XKR3: variants seen among roughly 807,000 people sequenced by gnomAD.
The protein encoded by XKR3 is XK-related protein 3.
XKR3 carries 27 observed loss-of-function variants against 40.3 expected under a neutral mutation model. The observed-to-expected ratio is 0.67, with a 90% confidence interval of 0.49 to 0.92. The LOEUF is 0.92. Ranked by LOEUF, XKR3 falls within the 40% of genes least tolerant of loss-of-function variation. The pLI is 0.00. For missense variants in XKR3, 472 were observed against 537.6 expected (o/e 0.88, Z 1.21); for synonymous variants, 193 against 195.4 (o/e 0.99, Z 0.10).
chr22:16,787,121 G>A (rs2060093984), intron 3 of XKR3, among the ~76,000 whole-genome samples: 1 of 151,752 alleles, frequency 6.6e-6, no homozygotes, highest in African/African-American at 2.4e-5. Flanking sequence ...AAATACAGTT[G>A]AGAGTATTGA....
chr22:16,791,472 G>C (rs1465118139), intron 3 of XKR3, among the ~76,000 whole-genome samples: 1 of 151,792 alleles, frequency 6.6e-6, no homozygotes, highest in Non-Finnish European at 1.5e-5. Context: ...TTGTATAGCA[G>C]GGTCACTACA....
intron 1 of XKR3, among the ~76,000 whole-genome samples, chr22:16,808,937 G>C (rs2060201930): frequency 6.6e-6 from 1 of 152,042 alleles, no homozygotes; most frequent in Non-Finnish European, 1.5e-5. Context: ...TATATTGAAA[G>C]CACAAAAAAT....
At position 16,808,070 on chromosome 22, in the gene XKR3, C is replaced by T; in HGVS notation, c.4G>A (p.Glu2Lys). 2 of 1,594,972 alleles carry T rather than the reference C, an allele frequency of 1.3e-6. No individual in the cohort carries two copies. Among genetic ancestry groups the T allele is most frequent in the Non-Finnish European group, 1.7e-6 (2 of 1,171,386 alleles). ...TCATCCATCTCTTCAAACACTGTCT[C>T]CATTCTCAGGGTGCTGCTAATTCAA... METVFEEMDEES... is the reference protein window; with the variant it reads MKTVFEEMDEES... The change falls in exon 2 of 4, where the codon GAG becomes AAG. Residue 2 changes from glutamate (E) to lysine (K), a missense_variant. Coordinates refer to ENST00000684488, the MANE Select transcript of XKR3 (RefSeq NM_001386955.1).
At chr22:16,805,540 A>T (rs1233774799) in intron 2 of XKR3, among the ~76,000 whole-genome samples, 1 of 152,144 alleles carries the variant, frequency 6.6e-6, no homozygotes, top group Non-Finnish European at 1.5e-5. Flanking sequence ...ATCAAAATTC[A>T]TTGCCTTTAT....
Position 16,801,344 on chromosome 22 carries a change from G to A in XKR3, c.336-1320C>T, listed in dbSNP as rs186276971. On this transcript the variant is annotated intron_variant, in intron 2 of 3. Transcript: ENST00000684488. ...GGATCCCTTGAGCTCAGGAGTTGGA[G>A]ACCATTCTGGGCTACATGGTGAAAC... 2.3e-3 allele frequency among the ~76,000 whole-genome samples: 353 copies of A among 152,288 alleles called. 3 individuals are homozygous for A. The highest frequency in any genetic ancestry group is 8.0e-3 in the African/African-American group (332 of 41,554).
At chr22:16,795,947 A>G (rs1238012990) in intron 3 of XKR3, among the ~76,000 whole-genome samples, 1 of 150,896 alleles carries the variant, frequency 6.6e-6, no homozygotes, top group African/African-American at 2.4e-5. Context: ...AGCCTTGGTG[A>G]CAGAAAAAAA....
rs1601844166 is a variant in XKR3, at chr22:16,799,752, A to G, written c.589+19T>C. On this transcript the variant is annotated intron_variant, in intron 3 of 3. Transcript: ENST00000684488. Reference sequence around the variant, plus strand: ...TATTGACCTTTGTGTGTCTTTCAGCATCAAGTAACTCAACTTACCTCTATT... The same window carrying G: ...TATTGACCTTTGTGTGTCTTTCAGCGTCAAGTAACTCAACTTACCTCTATT... 2 of 1,612,422 alleles carry G rather than the reference A, an allele frequency of 1.2e-6. No homozygotes were observed. The highest frequency in any genetic ancestry group is 1.7e-6 in the Non-Finnish European group (2 of 1,179,048).
chr22:16,825,222 T>C (rs1036688833), intron 1 of XKR3, among the ~76,000 whole-genome samples, 69 bp downstream of exon 1: 1 of 152,160 alleles, frequency 6.6e-6, no homozygotes, highest in African/African-American at 2.4e-5. Flanking sequence ...GATCCCCAGC[T>C]GAGACAGGCA....
intron 3 of XKR3, among the ~76,000 whole-genome samples, chr22:16,796,378 G>A (rs1255609260): frequency 1.3e-5 from 2 of 152,116 alleles, no homozygotes; most frequent in Admixed American, 6.6e-5. Flanking sequence ...CCCAGCATCA[G>A]CCTGATACCA....
intron 1 of XKR3, among the ~76,000 whole-genome samples, chr22:16,808,328 G>A (rs1266303848): frequency 6.6e-6 from 1 of 152,094 alleles, no homozygotes; most frequent in Non-Finnish European, 1.5e-5. Context: ...ACTTCTATAA[G>A]GCATCAACTA....
intron 1 of XKR3, among the ~76,000 whole-genome samples, chr22:16,819,904 A>G (rs2060248759): frequency 6.6e-6 from 1 of 152,164 alleles, no homozygotes; most frequent in Admixed American, 6.6e-5. Context: ...CTAATGAACA[A>G]AGGGTACAAA....
Position 16,783,925 on chromosome 22 carries a change from C to A in XKR3, c.1074G>T (p.Met358Ile), listed in dbSNP as rs866720137. 3 of 1,614,078 alleles carry A rather than the reference C, an allele frequency of 1.9e-6. No homozygotes were observed. Among genetic ancestry groups the A allele is most frequent in the South Asian group, 2.2e-5 (2 of 91,086 alleles). The stretch of plus-strand genomic sequence containing the variant: ...CTCCAAAGAACCTAAATACCAATAT[C>A]ATTATCACATTTTCTAAAAACTGAA... The part of the protein sequence containing the change: ...YSFQFLENVI[M>I]ILVFRFFGGK... Residue 358 changes from methionine to isoleucine, a missense_variant, in exon 4 of 4, where the codon ATG (methionine) becomes ATT (isoleucine). By Grantham distance (10) the Met-to-Ile change is conservative (BLOSUM62 1). Coordinates refer to ENST00000684488, the MANE Select transcript of XKR3 (RefSeq NM_001386955.1).
chr22:16,793,403 C>G (rs2060128621), intron 3 of XKR3, among the ~76,000 whole-genome samples: 1 of 152,210 alleles, frequency 6.6e-6, no homozygotes, highest in Non-Finnish European at 1.5e-5. Context: ...CATATTCCCC[C>G]AAAGGCTGCA....
At chr22:16,804,313 A>T (rs1850161458) in intron 2 of XKR3, among the ~76,000 whole-genome samples, 1 of 152,308 alleles carries the variant, frequency 6.6e-6, no homozygotes, top group South Asian at 2.1e-4. Context: ...ATGGATTCTA[A>T]TTAACCCTAT....
At chr22:16,813,167 C>G (rs2060219641) in intron 1 of XKR3, among the ~76,000 whole-genome samples, 1 of 151,924 alleles carries the variant, frequency 6.6e-6, no homozygotes, top group Non-Finnish European at 1.5e-5. Flanking sequence ...GCCTGTAGTC[C>G]CAGCTACTCG....
intron 3 of XKR3, among the ~76,000 whole-genome samples, chr22:16,786,823 A>G (rs2060092689): frequency 6.6e-6 from 1 of 152,166 alleles, no homozygotes. Flanking sequence ...AGGCACCTAT[A>G]TCATTGTGCA....
chr22:16,790,342 GA>G (rs35876120), intron 3 of XKR3, among the ~76,000 whole-genome samples: 67,715 of 124,208 alleles, frequency 0.55, 17,735 homozygotes, highest in East Asian at 0.68. Flanking sequence ...CTTCCACGCA[GA>G]AAAAAAAAAA....
intron 1 of XKR3, among the ~76,000 whole-genome samples, chr22:16,815,302 T>C (rs1175700860): frequency 6.6e-6 from 1 of 152,128 alleles, no homozygotes; most frequent in African/African-American, 2.4e-5. Flanking sequence ...TAAATCCTAC[T>C]TGGTTATGAA....
intron 2 of XKR3, among the ~76,000 whole-genome samples, chr22:16,807,002 T>C (rs899095381): frequency 2.2e-4 from 34 of 152,158 alleles, no homozygotes; most frequent in African/African-American, 6.5e-4. Context: ...AATCTATAAG[T>C]TTAATTGGAT....
Sources: allele counts gnomAD v4.1 joint callset (sites outside exome capture counted in the v4.1 genomes callset), GRCh38; gene constraint gnomAD v4.1.1; transcripts MANE v1.5; gene names NCBI Gene and HGNC (gene_info 2026-07-23, HGNC 2026-07-21).